NCK2: variants seen among roughly 807,000 people sequenced by gnomAD.
NCK2 encodes the protein NCK adaptor protein 2.
NCK2 carries 16 observed loss-of-function variants against 33.9 expected under a neutral mutation model. That is an observed-to-expected ratio of 0.47 (90% CI 0.32 to 0.72). The LOEUF (loss-of-function observed/expected upper bound fraction) is 0.72, where lower values mean the gene tolerates loss of function less well. NCK2 is among the 30% of genes least tolerant of loss of function. The pLI is 0.03. For missense variants in NCK2, 418 were observed against 537.3 expected (o/e 0.78, Z 2.19); for synonymous variants, 273 against 239.9 (o/e 1.14, Z -1.27).
intron 1 of NCK2, among the ~76,000 whole-genome samples, chr2:105,775,376 A>G (rs1286626961): frequency 6.6e-6 from 1 of 152,156 alleles, no homozygotes; most frequent in Non-Finnish European, 1.5e-5. Flanking sequence ...TGGGCTCCCT[A>G]TTAGATTATT....
intron 1 of NCK2, among the ~76,000 whole-genome samples, chr2:105,786,371 A>G (rs548840942): frequency 1.3e-5 from 2 of 150,926 alleles, no homozygotes; most frequent in African/African-American, 4.8e-5. Context: ...CAGGCTGGGG[A>G]CAGGATGGGA....
Position 105,753,898 on chromosome 2 carries a change from T to G in NCK2, c.-201+8760T>G, listed in dbSNP as rs1250605559. Among the ~76,000 whole-genome samples the G allele has an allele frequency of 2.6e-5, 4 of 152,320 alleles. No homozygotes were observed. In the East Asian group the frequency reaches 7.7e-4, roughly 29 times the overall value. On this transcript the variant is annotated intron_variant, in intron 1 of 4. Coordinates refer to ENST00000233154, the MANE Select transcript of NCK2 (RefSeq NM_003581.5). ...AGGTTGTGAGAGAGGCCAGGTCAAG[T>G]CCAAATGTAGATTCTTGGGAGACTG...
At chr2:105,752,897 C>T (rs1381424947) in intron 1 of NCK2, among the ~76,000 whole-genome samples, 1 of 152,186 alleles carries the variant, frequency 6.6e-6, no homozygotes, top group Non-Finnish European at 1.5e-5. Flanking sequence ...TAGCTTCTCT[C>T]CCACACGGAC....
intron 1 of NCK2, among the ~76,000 whole-genome samples, chr2:105,812,522 T>A (rs1336453251): frequency 1.3e-5 from 2 of 152,196 alleles, no homozygotes; most frequent in African/African-American, 4.8e-5. Context: ...CACTGCCGCC[T>A]CCGTACTCTG....
At chr2:105,872,708 G>A (rs1041027388) in intron 3 of NCK2, among the ~76,000 whole-genome samples, 1 of 152,234 alleles carries the variant, frequency 6.6e-6, no homozygotes, top group African/African-American at 2.4e-5. Flanking sequence ...AGGTATTCTA[G>A]TGTAAATTCA....
In NCK2 at chr2:105,808,054, C is replaced by T. The variant is rs138828831; in HGVS notation, c.-200-8376C>T. Reference sequence around the variant, plus strand: ...AGTAGCCGGGACTACAGGTGTGTACCGCTATGCCCAGCTAGTTTTTGTATT... The same window carrying T: ...AGTAGCCGGGACTACAGGTGTGTACTGCTATGCCCAGCTAGTTTTTGTATT... On this transcript the variant is annotated intron_variant, in intron 1 of 4. Transcript: ENST00000233154. 4.5e-3 allele frequency among the ~76,000 whole-genome samples: 680 copies of T among 152,098 alleles called. 17 individuals carry two copies. The highest frequency in any genetic ancestry group is 0.037 in the East Asian group (192 of 5,154).
Position 105,745,026 on chromosome 2 carries a change from G to T in NCK2, c.-313G>T, listed in dbSNP as rs1479030998. On this transcript the variant is annotated 5_prime_UTR_variant, in exon 1 of 5. Transcript: ENST00000233154. ...CCCGGGCCGGCAGCGTCCGCCCGGC[G>T]GCGGGAGGAGGGAGCGGCGCAGACA... is the stretch of plus-strand genomic sequence containing the variant. The T allele has an allele frequency of 1.4e-5, 2 of 144,784 alleles. No homozygotes were observed. Among genetic ancestry groups the T allele is most frequent in the Admixed American group, 1.4e-4 (2 of 14,732 alleles). 9.0% of individuals were successfully genotyped at this position (144,784 alleles called of 1,614,324 possible).
Position 105,893,083 on chromosome 2 carries a change from C to T in NCK2, c.1050C>T (p.His350=). 3 of 1,614,134 alleles carry T rather than the reference C, an allele frequency of 1.9e-6. No individual in the cohort carries two copies. The South Asian group carries it at 3.3e-5, about 18-fold the overall frequency. Residue 350 remains histidine, a synonymous_variant, in exon 5 of 5, where the codon CAC becomes CAT. Transcript: ENST00000233154. ...ACTGCATTGGGCAGCGGCGCTTCCA[C>T]ACCATGGACGAGCTGGTGGAACACT... ...NVYCIGQRRF[H]TMDELVEHYK...
At chr2:105,795,733 C>G (rs1432536469) in intron 1 of NCK2, among the ~76,000 whole-genome samples, 2 of 152,100 alleles carry the variant, frequency 1.3e-5, no homozygotes, top group South Asian at 4.1e-4. Flanking sequence ...AAAGAATTAC[C>G]GAAACGTCTG....
chr2:105,869,529 C>A (rs564375709), intron 3 of NCK2, among the ~76,000 whole-genome samples: 1 of 152,216 alleles, frequency 6.6e-6, no homozygotes, highest in South Asian at 2.1e-4. Context: ...GGCACAAGTA[C>A]GGTTCGGCTG....
chr2:105,855,206 C>G lies in NCK2; in HGVS notation c.143C>G (p.Thr48Arg). Residue 48 changes from threonine (T) to arginine (R), a missense_variant, in exon 3 of 5, where the codon ACG becomes AGG. By Grantham distance (71) the Thr-to-Arg change is moderately conservative. Transcript: ENST00000233154. ...WWRVRNAANRTGYVPSNYVER... is the reference protein window; with the variant it reads ...WWRVRNAANRRGYVPSNYVER... ...CGGGTGAGGAACGCGGCCAACAGGA[C>G]GGGCTATGTACCGTCCAACTACGTG... 6.2e-7 allele frequency: 1 copy of G among 1,614,060 alleles called. No homozygotes were observed. The highest frequency in any genetic ancestry group is 1.1e-5 in the South Asian group (1 of 91,052).
intron 1 of NCK2, among the ~76,000 whole-genome samples, chr2:105,775,699 T>C (rs1354749354): frequency 2.6e-5 from 4 of 152,208 alleles, no homozygotes; most frequent in Non-Finnish European, 4.4e-5. Context: ...TTTTTGTTTG[T>C]TTGTTTTTCC....
At chr2:105,881,131 TTAAG>T (rs1382964612) in intron 3 of NCK2, among the ~76,000 whole-genome samples, 193 bp from the exon 4 acceptor site, 2 of 152,276 alleles carry the variant, frequency 1.3e-5, no homozygotes, top group East Asian at 3.9e-4. Flanking sequence ...ATTCTCAACT[TTAAG>T]TAACTTCGCA....
intron 1 of NCK2, among the ~76,000 whole-genome samples, chr2:105,769,223 G>A (rs1298006171): frequency 6.6e-6 from 1 of 151,890 alleles, no homozygotes; most frequent in Non-Finnish European, 1.5e-5. Context: ...CAAGACCAGA[G>A]ATCTTTTTTA....
chr2:105,811,833 A>G (rs2104471826), intron 1 of NCK2, among the ~76,000 whole-genome samples: 1 of 152,116 alleles, frequency 6.6e-6, no homozygotes, highest in East Asian at 1.9e-4. Context: ...CCCCTAGTAC[A>G]GTTAATAGGG....
chr2:105,838,226 A>G (rs927580774), intron 2 of NCK2, among the ~76,000 whole-genome samples: 10 of 152,146 alleles, frequency 6.6e-5, no homozygotes, highest in South Asian at 2.1e-4. Flanking sequence ...TTTTGTTTCA[A>G]TGTTCAGCAG....
intron 1 of NCK2, among the ~76,000 whole-genome samples, chr2:105,788,606 T>C (rs1690764326): frequency 6.6e-6 from 1 of 152,322 alleles, no homozygotes; most frequent in Admixed American, 6.5e-5. Flanking sequence ...ATTACTTATA[T>C]GTAGGTTAAA....
At chr2:105,787,474 T>C (rs1302717424) in intron 1 of NCK2, among the ~76,000 whole-genome samples, 1 of 152,120 alleles carries the variant, frequency 6.6e-6, no homozygotes, top group Non-Finnish European at 1.5e-5. Flanking sequence ...CCTGAGGACA[T>C]AGCGAGAAGG....
chr2:105,765,649 G>C (rs946509035), intron 1 of NCK2, among the ~76,000 whole-genome samples: 2 of 148,418 alleles, frequency 1.3e-5, no homozygotes, highest in Non-Finnish European at 3.0e-5. Context: ...AACAGAGACA[G>C]AGGTAGTGGG....
Sources: allele counts gnomAD v4.1 joint callset (sites outside exome capture counted in the v4.1 genomes callset), GRCh38; gene constraint gnomAD v4.1.1; transcripts MANE v1.5; gene names NCBI Gene and HGNC (gene_info 2026-07-23, HGNC 2026-07-21).